ZC4H2: variants seen among roughly 807,000 people sequenced by gnomAD.
ZC4H2 encodes the protein zinc finger C4H2-type containing.
For synonymous variants in ZC4H2, 84 were observed against 66.3 expected (o/e 1.27, Z -1.30); for missense variants, 137 against 173.9 (o/e 0.79, Z 1.19).
intron 1 of ZC4H2, among the ~76,000 whole-genome samples, chrX:65,011,026 A>G (rs938935704): frequency 1.8e-5 from 2 of 111,675 alleles, no homozygotes; most frequent in African/African-American, 6.5e-5. Flanking sequence ...AATAAATGAG[A>G]TTTAAGTTGG....
At chrX:64,987,404 T>C (rs950309561) in intron 1 of ZC4H2, among the ~76,000 whole-genome samples, 4 of 108,608 alleles carry the variant, frequency 3.7e-5, no homozygotes, top group Non-Finnish European at 5.7e-5. Flanking sequence ...CATGGATCAA[T>C]GGAATAGAAT....
At chrX:64,922,354 C>T (rs769838261) in intron 1 of ZC4H2, 28 of 143,759 alleles carry the variant, frequency 1.9e-4, no homozygotes, top group Middle Eastern at 3.0e-3. Context: ...CCAGTAGTCT[C>T]AACTACTCAG....
intron 1 of ZC4H2, among the ~76,000 whole-genome samples, chrX:64,967,890 T>C (rs765602222): frequency 8.9e-6 from 1 of 112,009 alleles, no homozygotes; most frequent in African/African-American, 3.2e-5. Flanking sequence ...CCACAACACC[T>C]ATCATTCTGC....
intron 1 of ZC4H2, among the ~76,000 whole-genome samples, chrX:64,939,314 C>T (rs1319321488): frequency 8.9e-6 from 1 of 111,880 alleles, no homozygotes; most frequent in Non-Finnish European, 1.9e-5. Context: ...GAAAAACATT[C>T]CATGCTTATG....
At chrX:64,975,122 C>A (rs180741457) in intron 1 of ZC4H2, among the ~76,000 whole-genome samples, 2 of 110,523 alleles carry the variant, frequency 1.8e-5, no homozygotes, top group East Asian at 5.7e-4. Context: ...GAAAATCACT[C>A]AAATTCTCTG....
rs956950562 is a variant in ZC4H2 at position 65,028,707 on chromosome X, T to A, written c.-272+5922A>T. 6.0e-4 allele frequency among the ~76,000 whole-genome samples: 67 copies of A among 110,977 alleles called. 5 individuals carry two copies. Among genetic ancestry groups the A allele is most frequent in the Non-Finnish European group, 5.7e-5 (3 of 52,994 alleles). On this transcript the variant is annotated intron_variant, in intron 1 of 4. Coordinates refer to the ZC4H2 transcript ENST00000337990. ...CCACTATGCCTGGCTAATTTTTGTA[T>A]TTTTAGTAGAGACAGGGTTTCACCA...
chrX:65,007,570 C>T (rs1404550837), intron 1 of ZC4H2, among the ~76,000 whole-genome samples: 1 of 111,612 alleles, frequency 9.0e-6, no homozygotes, highest in Non-Finnish European at 1.9e-5. Context: ...AGAAAAGTAA[C>T]AGGGGAAAAT....
At chrX:65,027,326 G>A (rs1932890029) in intron 1 of ZC4H2, among the ~76,000 whole-genome samples, 1 of 111,584 alleles carries the variant, frequency 9.0e-6, no homozygotes, top group Admixed American at 9.5e-5. Flanking sequence ...GGTAAGGTTT[G>A]CATTTTTAGA....
At chrX:65,024,208 T>C (rs1273985448) in intron 1 of ZC4H2, among the ~76,000 whole-genome samples, 6 of 110,542 alleles carry the variant, frequency 5.4e-5, no homozygotes, top group East Asian at 2.9e-4. Flanking sequence ...TGTATACCTA[T>C]GTAACAAACC....
intron 1 of ZC4H2, among the ~76,000 whole-genome samples, chrX:64,987,780 A>T (rs1431767483): frequency 1.9e-5 from 2 of 107,314 alleles, no homozygotes; most frequent in Non-Finnish European, 1.9e-5. Context: ...CATGTGCACA[A>T]CCTGCAGGTT....
At chrX:65,006,939 T>G (rs946201130) in intron 1 of ZC4H2, among the ~76,000 whole-genome samples, 5 of 112,311 alleles carry the variant, frequency 4.5e-5, no homozygotes, top group Non-Finnish European at 7.5e-5. Flanking sequence ...TTTGAAATAT[T>G]TGCCTTTTAT....
intron 2 of ZC4H2, 110 bp from the exon 3 acceptor site, chrX:64,920,363 C>T: frequency 1.2e-6 from 1 of 845,410 alleles, no homozygotes; most frequent in Non-Finnish European, 1.6e-6. Flanking sequence ...AGTCTATATT[C>T]AAGTCCTTGA....
At chrX:64,920,662 C>T (rs889656180) in intron 2 of ZC4H2, among the ~76,000 whole-genome samples, 1 of 112,382 alleles carries the variant, frequency 8.9e-6, no homozygotes, top group Admixed American at 9.4e-5. Context: ...TGGGGAAATA[C>T]TTCTTAGTAT....
At chrX:64,971,072 T>C (rs1931766471) in intron 1 of ZC4H2, among the ~76,000 whole-genome samples, 1 of 112,596 alleles carries the variant, frequency 8.9e-6, no homozygotes, top group African/African-American at 3.2e-5. Flanking sequence ...ATATGCAATG[T>C]ATGTTGATAA....
At chrX:64,971,483 G>A (rs963393437) in intron 1 of ZC4H2, among the ~76,000 whole-genome samples, 6 of 112,113 alleles carry the variant, frequency 5.4e-5, no homozygotes, top group Non-Finnish European at 7.5e-5. Flanking sequence ...TCATTAAAGA[G>A]AAAGGGGAGT....
At chrX:64,938,327 C>A (rs962107040) in intron 1 of ZC4H2, among the ~76,000 whole-genome samples, 1 of 111,804 alleles carries the variant, frequency 8.9e-6, no homozygotes, top group African/African-American at 3.3e-5. Flanking sequence ...CAGGACCAGA[C>A]GGATTCACAG....
At chrX:64,999,156 C>T (rs1396655048) in intron 1 of ZC4H2, among the ~76,000 whole-genome samples, 5 of 106,571 alleles carry the variant, frequency 4.7e-5, no homozygotes, top group Admixed American at 1.0e-4. Context: ...GCAAGATGGC[C>T]GAGCAGGAAC....
chrX:64,923,217 T>C (rs752631347), intron 1 of ZC4H2, among the ~76,000 whole-genome samples: 2 of 111,955 alleles, frequency 1.8e-5, no homozygotes, highest in African/African-American at 6.5e-5. Context: ...TTTCAAAACA[T>C]ACATGGATGT....
intron 1 of ZC4H2, among the ~76,000 whole-genome samples, chrX:64,950,136 G>A (rs1281653882): frequency 8.9e-6 from 1 of 111,884 alleles, no homozygotes; most frequent in Non-Finnish European, 1.9e-5. Context: ...AGGTTGTTCA[G>A]TTTCCATGTA....
Sources: allele counts gnomAD v4.1 joint callset (sites outside exome capture counted in the v4.1 genomes callset), GRCh38; gene constraint gnomAD v4.1.1; transcripts MANE v1.5; gene names NCBI Gene and HGNC (gene_info 2026-07-23, HGNC 2026-07-21).